The following ZNF385D variants were observed in gnomAD, a reference collection of about 807,000 sequenced individuals.
ZNF385D encodes zinc finger protein 659.
ZNF385D carries 15 observed loss-of-function variants against 35.8 expected under a neutral mutation model. That is an observed-to-expected ratio of 0.42 (90% confidence interval 0.28 to 0.64). The LOEUF (loss-of-function observed/expected upper bound fraction) is 0.64. ZNF385D is among the 30% of genes least tolerant of loss of function. ZNF385D has a pLI of 0.23. For synonymous variants in ZNF385D, 212 were observed against 186.8 expected (o/e 1.13, Z -1.10); for missense variants, 474 against 494.6 (o/e 0.96, Z 0.39).
At position 22,289,235 on chromosome 3, in the gene ZNF385D, T is replaced by C. The variant is rs1463901502; in HGVS notation, c.106+83215A>G. On this transcript the variant is annotated intron_variant, in intron 2 of 5. Transcript: ENST00000494108. ...TCCTCTGAATGTGTCCACCTCTTTG[T>C]TTTCTGTGATATAGGGAGACTCAAG... Among the ~76,000 whole-genome samples the C allele has an allele frequency of 4.6e-5, 7 of 152,122 alleles. No homozygotes were observed. The East Asian group carries it at 1.3e-3, about 29-fold the overall frequency.
chr3:22,302,813 C>T (rs1043485628), intron 2 of ZNF385D, among the ~76,000 whole-genome samples: 1 of 151,634 alleles, frequency 6.6e-6, no homozygotes, highest in Non-Finnish European at 1.5e-5. Context: ...TAAATTTATT[C>T]TTAGTTACGT....
At chr3:21,695,322 T>A (rs2067432222) in intron 1 of ZNF385D, among the ~76,000 whole-genome samples, 1 of 152,166 alleles carries the variant, frequency 6.6e-6, no homozygotes, top group South Asian at 2.1e-4. Flanking sequence ...TGGAGACAGG[T>A]GATTTTCGAG....
intron 2 of ZNF385D, among the ~76,000 whole-genome samples, chr3:21,580,350 G>T (rs957085430): frequency 2.6e-5 from 4 of 152,112 alleles, no homozygotes; most frequent in African/African-American, 9.7e-5. Context: ...ACCAATTAAT[G>T]GCAGATCTTT....
In ZNF385D at chr3:21,765,508, A is replaced by T. The variant is rs2070787933; in HGVS notation, c.326-100480T>A. ...CTAGCTTGAAAAGATGAACTGAGAC[A>T]ATCATGTTTGTTCTCAAAAACATAA... On this transcript the variant is annotated intron_variant, in intron 3 of 5. Coordinates refer to the ZNF385D transcript ENST00000494108. 2.0e-5 allele frequency among the ~76,000 whole-genome samples: 3 copies of T among 152,214 alleles called. 1 individual carries two copies. In the South Asian group the frequency reaches 6.2e-4, roughly 32 times the overall value.
At chr3:21,648,609 C>A (rs2065822838) in intron 2 of ZNF385D, among the ~76,000 whole-genome samples, 1 of 151,986 alleles carries the variant, frequency 6.6e-6, no homozygotes, top group South Asian at 2.1e-4. Context: ...AGAACAATTG[C>A]CAATTAAAAT....
chr3:22,132,921 T>C (rs2125689201), intron 3 of ZNF385D, among the ~76,000 whole-genome samples: 1 of 152,224 alleles, frequency 6.6e-6, no homozygotes, highest in African/African-American at 2.4e-5. Context: ...TCGGTTAACT[T>C]ATGAAAATGT....
chr3:21,512,676 C>T (rs534380773), intron 3 of ZNF385D, among the ~76,000 whole-genome samples: 10 of 152,180 alleles, frequency 6.6e-5, no homozygotes, highest in African/African-American at 2.4e-4. Flanking sequence ...TAGTGTGAGC[C>T]AAAATATGAA....
At chr3:22,203,290 C>A (rs1418337119) in intron 2 of ZNF385D, among the ~76,000 whole-genome samples, 1 of 152,042 alleles carries the variant, frequency 6.6e-6, no homozygotes. Flanking sequence ...CACACTGGGA[C>A]AGAAGGGAAT....
intron 3 of ZNF385D, among the ~76,000 whole-genome samples, chr3:22,018,616 T>C (rs1192428970): frequency 2.6e-5 from 4 of 152,088 alleles, no homozygotes; most frequent in Non-Finnish European, 5.9e-5. Context: ...TTAAAATTAT[T>C]ACTTAGGGTT....
chr3:21,529,384 T>A (rs2061865827), intron 3 of ZNF385D, among the ~76,000 whole-genome samples: 1 of 152,180 alleles, frequency 6.6e-6, no homozygotes, highest in African/African-American at 2.4e-5. Context: ...ATATAATGTA[T>A]GTCAAAAATA....
chr3:21,790,962 C>CA (rs752227743), intron 3 of ZNF385D, among the ~76,000 whole-genome samples: 3 of 151,822 alleles, frequency 2.0e-5, no homozygotes, highest in African/African-American at 7.3e-5. Context: ...GGTAAGGAAA[C>CA]AAAAAAACAG....
chr3:22,144,857 C>T (rs1218180288), intron 3 of ZNF385D, among the ~76,000 whole-genome samples: 2 of 152,110 alleles, frequency 1.3e-5, no homozygotes, highest in Non-Finnish European at 2.9e-5. Flanking sequence ...AGATCATTTA[C>T]AGCTTTATCA....
At position 21,986,789 on chromosome 3, in the gene ZNF385D, A is replaced by C. The variant is rs1205540904; in HGVS notation, c.325+182028T>G. The stretch of plus-strand genomic sequence containing the variant: ...GGGGTGTTAAAGTCTCCCATTATTA[A>C]TGTGTGGGAGTCTAAGTCTCTTTGT... On this transcript the variant is annotated intron_variant, in intron 3 of 5. Transcript: ENST00000494108. 3.3e-3 allele frequency among the ~76,000 whole-genome samples: 336 copies of C among 102,858 alleles called. 5 individuals carry two copies. The highest frequency in any genetic ancestry group is 0.017 in the African/African-American group (318 of 18,394). The allele number at this position is 102,858 out of a possible 152,430, so 67.5% of individuals were successfully genotyped here. A position where few individuals can be genotyped will look rare whatever the true frequency, so the allele number is the denominator to read the frequency against.
chr3:22,060,897 T>G (rs191902632), intron 3 of ZNF385D, among the ~76,000 whole-genome samples: 1 of 152,044 alleles, frequency 6.6e-6, no homozygotes. Context: ...GGCTCTTAAG[T>G]AGAAAAATCT....
At chr3:22,315,183 G>A (rs940185505) in intron 2 of ZNF385D, among the ~76,000 whole-genome samples, 3 of 152,226 alleles carry the variant, frequency 2.0e-5, no homozygotes, top group African/African-American at 7.2e-5. Context: ...GAAGAAATAG[G>A]ATTTGGGAAG....
At chr3:22,239,924 C>T (rs1187590262) in intron 2 of ZNF385D, among the ~76,000 whole-genome samples, 1 of 150,400 alleles carries the variant, frequency 6.6e-6, no homozygotes, top group East Asian at 2.0e-4. Flanking sequence ...CGCCTATAAT[C>T]ACAGCACTTT....
intron 3 of ZNF385D, among the ~76,000 whole-genome samples, chr3:21,555,286 A>G (rs976536486): frequency 6.6e-6 from 1 of 150,998 alleles, no homozygotes; most frequent in African/African-American, 2.4e-5. Flanking sequence ...TTACATAGGT[A>G]TACATGTGCT....
At chr3:22,002,959 G>A (rs922445874) in intron 3 of ZNF385D, among the ~76,000 whole-genome samples, 1 of 152,090 alleles carries the variant, frequency 6.6e-6, no homozygotes, top group African/African-American at 2.4e-5. Flanking sequence ...CTAACTAACA[G>A]CTAATATCAT....
chr3:22,180,213 A>AC (rs1255365825), intron 2 of ZNF385D, among the ~76,000 whole-genome samples: 1 of 152,230 alleles, frequency 6.6e-6, no homozygotes, highest in African/African-American at 2.4e-5. Context: ...CTCGACACAT[A>AC]CACCCTCCGA....
Sources: allele counts gnomAD v4.1 joint callset (sites outside exome capture counted in the v4.1 genomes callset), GRCh38; gene constraint gnomAD v4.1.1; transcripts MANE v1.5; gene names NCBI Gene and HGNC (gene_info 2026-07-23, HGNC 2026-07-21).